The following RAD51B variants were observed in gnomAD, a reference collection of about 807,000 sequenced individuals.
RAD51B encodes the protein RAD51 paralog B, also known as DNA repair protein RAD51 homolog 2.
RAD51B carries 38 observed loss-of-function variants against 42.2 expected under a neutral mutation model. The ratio of observed to expected loss-of-function variants is 0.90; its 90% CI spans 0.70 to 1.18. The LOEUF (loss-of-function observed/expected upper bound fraction) is 1.18. RAD51B is among the 50% of genes most tolerant of loss of function. The pLI is 0.00. For synonymous variants in RAD51B, 154 were observed against 145.2 expected, an observed-to-expected ratio of 1.06 and a Z score of -0.43; for missense variants, 373 against 400.7, an observed-to-expected ratio of 0.93 and a Z score of 0.59.
intron 8 of RAD51B, among the ~76,000 whole-genome samples, chr14:68,367,655 G>T (rs958165325): frequency 6.6e-6 from 1 of 152,144 alleles, no homozygotes; most frequent in Non-Finnish European, 1.5e-5. Flanking sequence ...AAATAAAGAA[G>T]AGTATTCCAG....
At chr14:68,428,682 C>G (rs2084912919) in intron 9 of RAD51B, among the ~76,000 whole-genome samples, 1 of 137,370 alleles carries the variant, frequency 7.3e-6, no homozygotes, top group African/African-American at 2.8e-5. Context: ...CAGGTTCATC[C>G]ATGTTGCATA....
intron 8 of RAD51B, among the ~76,000 whole-genome samples, chr14:68,387,524 C>G (rs2083623245): frequency 6.6e-6 from 1 of 152,176 alleles, no homozygotes; most frequent in East Asian, 1.9e-4. Context: ...GACATTGTGC[C>G]TCTATAGCAG....
chr14:67,985,689 C>T (rs1024880541), intron 7 of RAD51B, among the ~76,000 whole-genome samples: 4 of 151,598 alleles, frequency 2.6e-5, no homozygotes, highest in Non-Finnish European at 5.9e-5. Context: ...CGGGGTAGAT[C>T]GCTTGCGTTC....
rs1283654745 is a variant in RAD51B, at chr14:68,185,679, G to A, written c.757-106205G>A. On this transcript the variant is annotated intron_variant, in intron 7 of 10. Transcript: ENST00000471583. ...AATTTTTCCGTGGATGGGGGCGGGG[G>A]TGGTGGTTTCAGGATGAAACTGTTC... Among the ~76,000 whole-genome samples the A allele has an allele frequency of 1.6e-4, 25 of 151,974 alleles. 1 individual carries two copies. The highest frequency in any genetic ancestry group is 1.6e-3 in the Admixed American group (25 of 15,270).
intron 9 of RAD51B, among the ~76,000 whole-genome samples, chr14:68,464,832 C>T (rs2085933591): frequency 6.6e-6 from 1 of 152,204 alleles, no homozygotes; most frequent in Non-Finnish European, 1.5e-5. Flanking sequence ...TTTCTGACTG[C>T]ACACAGATCA....
intron 8 of RAD51B, among the ~76,000 whole-genome samples, chr14:68,363,394 T>C (rs149572797): frequency 1.1e-4 from 16 of 152,334 alleles, no homozygotes; most frequent in African/African-American, 3.1e-4. Context: ...ATAAAAGGAA[T>C]TTTACAGATA....
At chr14:68,519,423 T>C (rs1354143761) in intron 10 of RAD51B, among the ~76,000 whole-genome samples, 2 of 152,180 alleles carry the variant, frequency 1.3e-5, no homozygotes, top group African/African-American at 4.8e-5. Flanking sequence ...CCTTAGGGAA[T>C]AGGAGAAAAG....
In RAD51B at chr14:68,533,021, C is replaced by G. The variant is rs80088991; in HGVS notation, c.1037-61464C>G. 2.6e-4 allele frequency among the ~76,000 whole-genome samples: 39 copies of G among 151,968 alleles called. 1 individual carries two copies. The East Asian group carries it at 7.0e-3, about 27-fold the overall frequency. On this transcript the variant is annotated intron_variant, in intron 10 of 10. Transcript: ENST00000487270. ...GAAGAAAGATGATACCTACTATCAC[C>G]CTTATTACTCAATATCATTCTGGAA...
At chr14:67,852,991 G>A (rs2041876105) in intron 4 of RAD51B, among the ~76,000 whole-genome samples, 1 of 152,126 alleles carries the variant, frequency 6.6e-6, no homozygotes, top group South Asian at 2.1e-4. Context: ...TGAGCCCTTA[G>A]AAGTAGTGAG....
intron 9 of RAD51B, among the ~76,000 whole-genome samples, chr14:68,418,828 C>T (rs2084625108): frequency 6.6e-6 from 1 of 152,178 alleles, no homozygotes; most frequent in Non-Finnish European, 1.5e-5. Flanking sequence ...TGGGCAACCT[C>T]ATTGGCTAGG....
chr14:67,978,747 T>A (rs963127684), intron 7 of RAD51B, among the ~76,000 whole-genome samples: 3 of 152,180 alleles, frequency 2.0e-5, no homozygotes, highest in Non-Finnish European at 4.4e-5. Flanking sequence ...AAAAATGAAA[T>A]CCATTTGAAT....
At chr14:68,364,085 A>G (rs1394154487) in intron 8 of RAD51B, among the ~76,000 whole-genome samples, 1 of 152,112 alleles carries the variant, frequency 6.6e-6, no homozygotes, top group Non-Finnish European at 1.5e-5. Context: ...TTGCTTCGCC[A>G]TGTTCCTTCC....
chr14:68,049,374 G>A (rs150666200), intron 7 of RAD51B, among the ~76,000 whole-genome samples: 3 of 152,214 alleles, frequency 2.0e-5, no homozygotes, highest in Admixed American at 2.0e-4. Flanking sequence ...ATATACATAT[G>A]TATAAAGTAA....
rs181949557 is a variant in RAD51B, at chr14:67,901,096, G to T, written c.756+13892G>T. ...TGCCAGAAATAGGACTGAGTTCTGG[G>T]TCTTTTATGTGGCAAGAGCAAGGAA... On this transcript the variant is annotated intron_variant, in intron 7 of 10. Coordinates refer to ENST00000471583, the MANE Select transcript of RAD51B (RefSeq NM_133510.4). Among the ~76,000 whole-genome samples, 10 of 152,296 alleles carry T rather than the reference G, an allele frequency of 6.6e-5. No homozygotes were observed. In the East Asian group the frequency reaches 1.9e-3, roughly 30 times the overall value.
intron 5 of RAD51B, among the ~76,000 whole-genome samples, chr14:67,877,113 A>G (rs1374554966): frequency 1.3e-5 from 2 of 152,034 alleles, no homozygotes; most frequent in Non-Finnish European, 2.9e-5. Context: ...TTTTTACAGT[A>G]ATAAATAGAT....
At chr14:67,912,996 A>C (rs2044038876) in intron 7 of RAD51B, among the ~76,000 whole-genome samples, 1 of 152,032 alleles carries the variant, frequency 6.6e-6, no homozygotes, top group African/African-American at 2.4e-5. Context: ...GAGCCACTGC[A>C]CCCGGCCTTA....
At chr14:67,829,365 C>T (rs2040950087) in intron 3 of RAD51B, among the ~76,000 whole-genome samples, 1 of 152,048 alleles carries the variant, frequency 6.6e-6, no homozygotes, top group African/African-American at 2.4e-5. Flanking sequence ...GCCTCAGCCT[C>T]CCAAGTAGCT....
chr14:68,585,569 G>A (rs1192479991), intron 10 of RAD51B, among the ~76,000 whole-genome samples: 1 of 152,194 alleles, frequency 6.6e-6, no homozygotes, highest in Non-Finnish European at 1.5e-5. Context: ...AGAAGGGTAG[G>A]GAGGGGCTGG....
At chr14:68,040,689 C>A (rs1179471768) in intron 7 of RAD51B, among the ~76,000 whole-genome samples, 1 of 152,174 alleles carries the variant, frequency 6.6e-6, no homozygotes, top group Non-Finnish European at 1.5e-5. Context: ...AGAAGTTCAA[C>A]AACTTGTCCA....
Sources: allele counts gnomAD v4.1 joint callset (sites outside exome capture counted in the v4.1 genomes callset), GRCh38; gene constraint gnomAD v4.1.1; transcripts MANE v1.5; gene names NCBI Gene and HGNC (gene_info 2026-07-23, HGNC 2026-07-21).